FRMD4A: variants seen among roughly 807,000 people sequenced by gnomAD.
FRMD4A encodes the protein FERM domain containing 4A.
In FRMD4A, 29 loss-of-function variants were observed where a neutral mutation model predicts 129.1. That is an observed-to-expected ratio of 0.22 (90% CI 0.17 to 0.31). FRMD4A has a LOEUF of 0.31. Among genes scored for constraint, FRMD4A ranks in the 10% least tolerant of loss-of-function variants. The pLI is 1.00. For synonymous variants in FRMD4A, 634 were observed against 571.6 expected (o/e 1.11, Z -1.56); for missense variants, 1,272 against 1,375.8 (o/e 0.92, Z 1.19).
In FRMD4A at chr10:13,643,833, T is replaced by G. The variant is rs2134256925; in HGVS notation, c.*3205A>C. 6.5e-6 allele frequency: 1 copy of G among 152,800 alleles called. No homozygotes were observed. Among genetic ancestry groups the G allele is most frequent in the South Asian group, 2.1e-4 (1 of 4,826 alleles). 9.5% of individuals were successfully genotyped at this position (152,800 alleles called of 1,614,324 possible). ...AGATTTCTTTTTTTAATTCTGCAACTTTGTCTACAACGTACATCTTTTTCA... is the reference window on the plus strand; with the variant it reads ...AGATTTCTTTTTTTAATTCTGCAACGTTGTCTACAACGTACATCTTTTTCA... On this transcript the variant is annotated 3_prime_UTR_variant, in exon 25 of 25. Transcript: ENST00000357447.
At chr10:13,761,840 G>T (rs1383805552) in intron 7 of FRMD4A, among the ~76,000 whole-genome samples, 171 bp from the exon 8 acceptor site, 1 of 152,164 alleles carries the variant, frequency 6.6e-6, no homozygotes, top group Non-Finnish European at 1.5e-5. Flanking sequence ...GCACACCTTT[G>T]CCATTTGAAT....
intron 2 of FRMD4A, among the ~76,000 whole-genome samples, chr10:13,967,039 G>T (rs958603362): frequency 6.6e-6 from 1 of 152,162 alleles, no homozygotes; most frequent in African/African-American, 2.4e-5. Context: ...ATGCACAGGC[G>T]TAAGAATGAC....
intron 3 of FRMD4A, among the ~76,000 whole-genome samples, chr10:13,842,520 C>T (rs763310079): frequency 3.3e-5 from 5 of 152,118 alleles, no homozygotes; most frequent in South Asian, 2.1e-4. Context: ...ATTTTAGTAA[C>T]GAGAAAGTTG....
intron 5 of FRMD4A, among the ~76,000 whole-genome samples, chr10:13,785,759 T>C (rs902956566): frequency 8.5e-5 from 13 of 152,138 alleles, no homozygotes; most frequent in East Asian, 1.9e-4. Context: ...CTCCTAATGC[T>C]ATCCCTCCCC....
intron 2 of FRMD4A, among the ~76,000 whole-genome samples, chr10:14,032,066 T>C (rs1214933760): frequency 1.3e-5 from 2 of 152,164 alleles, no homozygotes; most frequent in Non-Finnish European, 2.9e-5. Context: ...CCTCAGCCTC[T>C]TGAGTAGCTG....
chr10:14,080,234 T>A (rs1835848990), intron 2 of FRMD4A, among the ~76,000 whole-genome samples: 1 of 152,128 alleles, frequency 6.6e-6, no homozygotes, highest in Non-Finnish European at 1.5e-5. Context: ...CCCCCTACCC[T>A]GCAGCTGGAG....
intron 2 of FRMD4A, among the ~76,000 whole-genome samples, chr10:14,131,197 C>A (rs1839229477): frequency 6.6e-6 from 1 of 152,190 alleles, no homozygotes; most frequent in Admixed American, 6.5e-5. Flanking sequence ...AACAATGAAG[C>A]ACAGAGTTCA....
At chr10:14,016,869 G>A (rs1003740796) in intron 2 of FRMD4A, among the ~76,000 whole-genome samples, 4 of 152,180 alleles carry the variant, frequency 2.6e-5, no homozygotes, top group East Asian at 3.9e-4. Flanking sequence ...AAGATTTGTC[G>A]GTATCTGTGT....
intron 2 of FRMD4A, among the ~76,000 whole-genome samples, chr10:13,956,188 T>G (rs2095409126): frequency 6.6e-6 from 1 of 152,216 alleles, no homozygotes; most frequent in Non-Finnish European, 1.5e-5. Context: ...AGTCTCACTC[T>G]GTCACCCAGG....
At chr10:13,650,998 A>G (rs1589192509) in intron 24 of FRMD4A, 1 of 152,200 alleles carries the variant, frequency 6.6e-6, no homozygotes, top group African/African-American at 2.4e-5. Flanking sequence ...TGCTCCTTGT[A>G]TATCTTCTGA....
intron 2 of FRMD4A, among the ~76,000 whole-genome samples, chr10:14,151,263 G>A (rs1840325228): frequency 6.6e-6 from 1 of 152,184 alleles, no homozygotes; most frequent in African/African-American, 2.4e-5. Flanking sequence ...AGCAACCTAA[G>A]GGTCCACCAA....
intron 17 of FRMD4A, among the ~76,000 whole-genome samples, chr10:13,668,780 G>A (rs1460145989): frequency 1.3e-5 from 2 of 152,160 alleles, no homozygotes; most frequent in Non-Finnish European, 2.9e-5. Context: ...AGCAACAGGG[G>A]GAGTTGAAGT....
At chr10:14,327,641 A>C (rs1229787663) in intron 2 of FRMD4A, among the ~76,000 whole-genome samples, 1 of 152,226 alleles carries the variant, frequency 6.6e-6, no homozygotes, top group Non-Finnish European at 1.5e-5. Context: ...AGCTGAATGT[A>C]ACCTCTGGGT....
intron 5 of FRMD4A, among the ~76,000 whole-genome samples, chr10:13,786,795 C>T (rs1272893480): frequency 6.6e-6 from 1 of 152,086 alleles, no homozygotes; most frequent in East Asian, 1.9e-4. Context: ...TGACGGTGGC[C>T]TTTGTGCTCT....
At chr10:14,160,196 C>G (rs1261170330) in intron 2 of FRMD4A, among the ~76,000 whole-genome samples, 1 of 151,966 alleles carries the variant, frequency 6.6e-6, no homozygotes, top group African/African-American at 2.4e-5. Flanking sequence ...GAAAAAGGTG[C>G]CAAGAACATA....
intron 2 of FRMD4A, among the ~76,000 whole-genome samples, chr10:14,309,807 C>T (rs61836143): frequency 0.12 from 18,135 of 152,210 alleles, 1,191 homozygotes; most frequent in Middle Eastern, 0.26. Flanking sequence ...CTTCTCATCA[C>T]GTAACTCCCT....
chr10:14,062,754 G>A (rs1304682824), intron 2 of FRMD4A, among the ~76,000 whole-genome samples: 1 of 152,152 alleles, frequency 6.6e-6, no homozygotes, highest in Non-Finnish European at 1.5e-5. Context: ...TGATTCAAGT[G>A]CCACTGATTC....
At chr10:14,316,508 C>CAAAA (rs760301974) in intron 2 of FRMD4A, among the ~76,000 whole-genome samples, 3,488 of 109,724 alleles carry the variant, frequency 0.032, 85 homozygotes, top group Non-Finnish European at 0.043. Context: ...GTGATAGCAG[C>CAAAA]AAAAAAAAAA....
intron 20 of FRMD4A, among the ~76,000 whole-genome samples, 170 bp downstream of exon 20, chr10:13,660,146 G>C (rs1239242049): frequency 6.6e-6 from 1 of 152,238 alleles, no homozygotes; most frequent in African/African-American, 2.4e-5. Flanking sequence ...TACCTCAACA[G>C]TGTCGGCAGC....
Sources: allele counts gnomAD v4.1 joint callset (sites outside exome capture counted in the v4.1 genomes callset), GRCh38; gene constraint gnomAD v4.1.1; transcripts MANE v1.5; gene names NCBI Gene and HGNC (gene_info 2026-07-23, HGNC 2026-07-21).